SCMH1: variants seen among roughly 807,000 people sequenced by gnomAD.
SCMH1 encodes Scm polycomb group protein homolog 1.
In SCMH1, 37 loss-of-function variants were observed where a neutral mutation model predicts 70.8. That is an observed-to-expected ratio of 0.52 (90% CI 0.40 to 0.69). The LOEUF (loss-of-function observed/expected upper bound fraction) is 0.69, where lower values mean the gene tolerates loss of function less well. Among genes scored for constraint, SCMH1 ranks in the 30% least tolerant of loss-of-function variants. The probability of loss-of-function intolerance (pLI) is 0.00; values close to 1 mark genes in which losing one functional copy is unlikely to be tolerated. For missense variants in SCMH1, 607 were observed against 827.3 expected (o/e 0.73, Z 3.27); for synonymous variants, 292 against 307.4 (o/e 0.95, Z 0.52).
intron 8 of SCMH1, among the ~76,000 whole-genome samples, chr1:41,112,290 A>G (rs1350305763): frequency 1.3e-5 from 2 of 152,190 alleles, no homozygotes; most frequent in African/African-American, 4.8e-5. Context: ...AATTGAATGA[A>G]TGAATTCAAC....
intron 8 of SCMH1, among the ~76,000 whole-genome samples, chr1:41,081,547 G>A (rs901184675): frequency 6.6e-6 from 1 of 152,196 alleles, no homozygotes; most frequent in Non-Finnish European, 1.5e-5. Context: ...GTTGGGCATG[G>A]TGTTTCATGC....
chr1:41,121,814 TC>T (rs1200513104), intron 6 of SCMH1, among the ~76,000 whole-genome samples: 3 of 152,188 alleles, frequency 2.0e-5, no homozygotes, highest in Admixed American at 1.3e-4. Context: ...CCTCCAGTTA[TC>T]CCATCTCAGT....
chr1:41,117,135 A>G, intron 6 of SCMH1, 125 bp from the exon 7 acceptor site: 1 of 488,948 alleles, frequency 2.0e-6, no homozygotes, highest in East Asian at 3.4e-5. Context: ...GTATAATAAA[A>G]TATATAAAAT....
chr1:41,087,543 C>T (rs894194912), intron 8 of SCMH1, among the ~76,000 whole-genome samples: 2 of 151,342 alleles, frequency 1.3e-5, no homozygotes, highest in African/African-American at 4.9e-5. Context: ...AAAATGGCAC[C>T]CTAGACATAT....
chr1:41,097,136 G>A (rs1245180093), intron 8 of SCMH1, among the ~76,000 whole-genome samples: 1 of 152,214 alleles, frequency 6.6e-6, no homozygotes, highest in Non-Finnish European at 1.5e-5. Flanking sequence ...CTGGCTCAGA[G>A]TATTGGCCTT....
chr1:41,229,705 A>G (rs939910166), intron 1 of SCMH1, among the ~76,000 whole-genome samples: 6 of 152,134 alleles, frequency 3.9e-5, no homozygotes, highest in Non-Finnish European at 7.4e-5. Context: ...AAACCTGCAC[A>G]TTGTGCACAT....
At chr1:41,074,626 A>G (rs1247289912) in intron 9 of SCMH1, among the ~76,000 whole-genome samples, 1 of 152,206 alleles carries the variant, frequency 6.6e-6, no homozygotes, top group Non-Finnish European at 1.5e-5. Flanking sequence ...AAAGGTTAAC[A>G]AAGAGCAGTT....
At chr1:41,186,129 T>A (rs1487553036) in exon 2 of SCMH1, 1 of 1,537,654 alleles carries the variant, frequency 6.5e-7, no homozygotes, top group East Asian at 2.5e-5. Flanking sequence ...ACCATTAGGC[T>A]GCATAGTCAA....
chr1:41,161,282 C>T (rs1003928067), intron 3 of SCMH1, 82 bp downstream of exon 3: 1 of 1,541,806 alleles, frequency 6.5e-7, no homozygotes, highest in Non-Finnish European at 8.7e-7. Flanking sequence ...TTTGTAAACT[C>T]AGACCTCTAA....
chr1:41,226,010 G>A (rs551988903), intron 1 of SCMH1, among the ~76,000 whole-genome samples: 1 of 152,264 alleles, frequency 6.6e-6, no homozygotes, highest in South Asian at 2.1e-4. Context: ...TGGTATCCCT[G>A]CACAGAAACC....
intron 8 of SCMH1, among the ~76,000 whole-genome samples, chr1:41,112,597 T>C (rs1378969543): frequency 6.6e-6 from 1 of 152,028 alleles, no homozygotes; most frequent in Middle Eastern, 3.2e-3. Context: ...TATGATATAG[T>C]TATAATATAG....
At chr1:41,184,095 C>A (rs1448312948) in intron 2 of SCMH1, among the ~76,000 whole-genome samples, 2 of 152,088 alleles carry the variant, frequency 1.3e-5, no homozygotes, top group African/African-American at 4.8e-5. Context: ...ATGGTAAATT[C>A]TGTGTTATGT....
intron 8 of SCMH1, among the ~76,000 whole-genome samples, chr1:41,090,583 G>T (rs1364865003): frequency 6.6e-6 from 1 of 151,334 alleles, no homozygotes; most frequent in Non-Finnish European, 1.5e-5. Flanking sequence ...CAATAACCCT[G>T]ATTTAATCCT....
At chr1:41,030,579 T>G (rs1644380476) in intron 13 of SCMH1, among the ~76,000 whole-genome samples, 1 of 152,170 alleles carries the variant, frequency 6.6e-6, no homozygotes, top group Non-Finnish European at 1.5e-5. Context: ...CAAATATTGA[T>G]TCCACAGAGA....
chr1:41,224,399 T>A (rs1013522565), intron 1 of SCMH1, among the ~76,000 whole-genome samples: 1 of 152,350 alleles, frequency 6.6e-6, no homozygotes, highest in Admixed American at 6.5e-5. Context: ...TTAGTGATTA[T>A]TGTATCTCCA....
intron 2 of SCMH1, among the ~76,000 whole-genome samples, chr1:41,175,023 G>C (rs1647021038): frequency 6.6e-6 from 1 of 152,192 alleles, no homozygotes; most frequent in African/African-American, 2.4e-5. Context: ...CGGATGCCGA[G>C]TTGAAAACGA....
At position 41,208,435 on chromosome 1, in the gene SCMH1, TA is replaced by T. The variant is rs149379351; in HGVS notation, c.-117-22186del. ...AAAACTTAGAGTATAAGAAAAAAAT[TA>T]AAAAAAAAAAATAAAAAATAAAAGT... On this transcript the variant is annotated intron_variant, in intron 1 of 14. Transcript: ENST00000337495. Among the ~76,000 whole-genome samples, 116 of 129,748 alleles carry T rather than the reference TA, an allele frequency of 8.9e-4. 1 individual carries two copies. The East Asian group carries it at 0.016, about 18-fold the overall frequency. The allele number at this position is 129,748 out of a possible 152,430, so 85.1% of individuals were successfully genotyped here. A position where few individuals can be genotyped will look rare whatever the true frequency, so the allele number is the denominator to read the frequency against.
intron 8 of SCMH1, among the ~76,000 whole-genome samples, chr1:41,106,620 C>T (rs1045691007): frequency 2.6e-5 from 4 of 151,876 alleles, no homozygotes; most frequent in East Asian, 3.8e-4. Context: ...AAGCATTCTG[C>T]GCCTTCCTCT....
chr1:41,145,139 A>G (rs575589654), intron 5 of SCMH1, among the ~76,000 whole-genome samples: 7 of 152,146 alleles, frequency 4.6e-5, no homozygotes, highest in African/African-American at 1.7e-4. Context: ...TTTTGGTGTT[A>G]TAATATCTAA....
Sources: allele counts gnomAD v4.1 joint callset (sites outside exome capture counted in the v4.1 genomes callset), GRCh38; gene constraint gnomAD v4.1.1; transcripts MANE v1.5; gene names NCBI Gene and HGNC (gene_info 2026-07-23, HGNC 2026-07-21).